The following RBBP6 variants were observed in gnomAD, a reference collection of about 807,000 sequenced individuals.
RBBP6 encodes the protein RB binding protein 6, ubiquitin ligase, also known as E3 ubiquitin-protein ligase RBBP6.
Under a neutral mutation model 167.7 loss-of-function variants are expected in RBBP6, and 25 were observed. The observed-to-expected ratio is 0.15, with a 90% CI of 0.11 to 0.21. RBBP6 has a LOEUF of 0.21. Ranked by LOEUF, RBBP6 falls within the 10% of genes least tolerant of loss-of-function variation. The pLI, the probability that RBBP6 is intolerant of heterozygous loss-of-function variation, is 1.00. For missense variants in RBBP6, 1,868 were observed against 2,134.2 expected, an observed-to-expected ratio of 0.88 and a Z score of 2.46; for synonymous variants, 789 against 735.8, an observed-to-expected ratio of 1.07 and a Z score of -1.17.
intron 2 of RBBP6, among the ~76,000 whole-genome samples, chr16:24,548,168 C>T (rs1898706543): frequency 6.6e-6 from 1 of 152,140 alleles, no homozygotes; most frequent in Admixed American, 6.5e-5. Flanking sequence ...ACTTCTTCCC[C>T]TTTCCTGTGT....
At chr16:24,546,615 G>A (rs1898659972) in intron 2 of RBBP6, among the ~76,000 whole-genome samples, 1 of 152,244 alleles carries the variant, frequency 6.6e-6, no homozygotes, top group East Asian at 1.9e-4. Flanking sequence ...TGGTGTTGTA[G>A]ACATCGGTCC....
Position 24,546,143 on chromosome 16 carries a change from TTC to T in RBBP6, c.167-18_167-17del. 1 of 1,559,472 alleles carries T rather than the reference TTC, an allele frequency of 6.4e-7. No individual in the cohort carries two copies. The highest frequency in any genetic ancestry group is 8.6e-7 in the Non-Finnish European group (1 of 1,161,508). ...CTCAAATCCCCAAATGGAAATTCAATTCTGTCTTTTTATTTACAGAATATACT... is the reference window on the plus strand; with the variant it reads ...CTCAAATCCCCAAATGGAAATTCAATTGTCTTTTTATTTACAGAATATACT... On this transcript the variant is annotated intron_variant, in intron 1 of 17. Coordinates refer to ENST00000319715, the MANE Select transcript of RBBP6 (RefSeq NM_006910.5).
chr16:24,567,804 G>C lies in RBBP6; in HGVS notation c.1965G>C (p.Lys655Asn). ...TTTATTTTACTAGGGAAAAGAAAAA[G>C]TCCAAGCTAGATGAGTTTACAAATG... ...QRRLKEEEKK[K>N]SKLDEFTNDF... Residue 655 changes from lysine (K) to asparagine (N), a missense_variant, in exon 16 of 18, where the codon AAG becomes AAC. Physicochemically the swap from Lys to Asn is moderately conservative, Grantham distance 94 (BLOSUM62 0). Around this residue, in one of 7 missense-constraint regions of RBBP6, gnomAD observed 145 missense variants for 224.3 expected, o/e 0.65. Transcript: ENST00000319715. The C allele has an allele frequency of 6.2e-7, 1 of 1,611,376 alleles. No homozygotes were observed. The highest frequency in any genetic ancestry group is 8.5e-7 in the Non-Finnish European group (1 of 1,178,588).
rs199819400 is a variant in RBBP6, at chr16:24,545,089, C to CT, written c.167-1067dup. 5.6e-3 allele frequency among the ~76,000 whole-genome samples: 848 copies of CT among 152,172 alleles called. 6 individuals carry two copies. Among genetic ancestry groups the CT allele is most frequent in the Non-Finnish European group, 9.0e-3 (613 of 67,992 alleles). On this transcript the variant is annotated intron_variant, in intron 1 of 17. Transcript: ENST00000319715. ...TGCTCCACATTGGTGCCACAGTAGT[C>CT]TTTTTTTGAGACAGAGTCTTGCTCT... is the stretch of plus-strand genomic sequence containing the variant.
chr16:24,560,255 C>T lies in RBBP6; in HGVS notation c.847+578C>T, dbSNP rs187060553. Among the ~76,000 whole-genome samples the T allele has an allele frequency of 3.6e-4, 55 of 151,994 alleles. 1 individual carries two copies. The highest frequency in any genetic ancestry group is 1.2e-3 in the African/African-American group (50 of 41,452). ...CCAAGTAGCTGGGACTGCAGGTGCC[C>T]GCCACCACACCCGGCTAATGTTTTG... On this transcript the variant is annotated intron_variant, in intron 8 of 17. Transcript: ENST00000319715.
chr16:24,563,788 A>G (rs1899129709), intron 13 of RBBP6, 124 bp downstream of exon 13: 1 of 766,836 alleles, frequency 1.3e-6, no homozygotes, highest in East Asian at 3.2e-5. Context: ...TCTTTATTGT[A>G]AACTTTCATG....
At chr16:24,547,130 A>G (rs941927053) in intron 2 of RBBP6, among the ~76,000 whole-genome samples, 1 of 152,138 alleles carries the variant, frequency 6.6e-6, no homozygotes. Context: ...GGAACAAATT[A>G]TTTTGAGTCA....
At chr16:24,563,164 A>C (rs537993684) in intron 10 of RBBP6, 35 bp from the exon 11 acceptor site, 72 of 1,515,704 alleles carry the variant, frequency 4.8e-5, no homozygotes, top group South Asian at 2.0e-4. Flanking sequence ...CATTTCTGAT[A>C]ATTTTTAATG....
Position 24,571,256 on chromosome 16 carries a change from C to G in RBBP6, c.4190C>G (p.Ser1397Cys), listed in dbSNP as rs1266269211. 2 of 1,612,112 alleles carry G rather than the reference C, an allele frequency of 1.2e-6. No homozygotes were observed. Among genetic ancestry groups the G allele is most frequent in the South Asian group, 1.1e-5 (1 of 90,562 alleles). The change falls in exon 18 of 18, where the codon TCT becomes TGT. Residue 1397 changes from serine (S) to cysteine (C), a missense_variant. Physicochemically the swap from Ser to Cys is moderately radical, Grantham distance 112. Coordinates refer to ENST00000319715, the MANE Select transcript of RBBP6 (RefSeq NM_006910.5). ...HEVKSSKNSA[S>C]SEKGKTKDRD... is the part of the protein sequence containing the mutation. ...GTTAAAAGTTCAAAAAACTCTGCAT[C>G]TAGTGAAAAAGGGAAAACCAAAGAT...
intron 1 of RBBP6, among the ~76,000 whole-genome samples, chr16:24,541,438 C>A (rs1596496725): frequency 1.3e-5 from 2 of 152,078 alleles, no homozygotes; most frequent in African/African-American, 4.8e-5. Flanking sequence ...ATTAGTAATA[C>A]GGCAATTAAG....
In RBBP6 at chr16:24,562,008, A is replaced by G; in HGVS notation, c.1136A>G (p.His379Arg). 3.1e-6 allele frequency: 5 copies of G among 1,613,128 alleles called. No homozygotes were observed. Among genetic ancestry groups the G allele is most frequent in the Non-Finnish European group, 4.2e-6 (5 of 1,179,524 alleles). ...ATTCCAGTGACATCTTCATCAACTC[A>G]CCCAGCTCCGTCTATATCTTCATTA... Reference protein sequence around the residue: ...LMIPVTSSSTHPAPSISSLTS... With the variant: ...LMIPVTSSSTRPAPSISSLTS... Residue 379 changes from histidine to arginine, a missense_variant, in exon 10 of 18, where the codon CAC becomes CGC. His to Arg is a conservative substitution (Grantham distance 29). Transcript: ENST00000319715.
At position 24,570,366 on chromosome 16, in the gene RBBP6, T is replaced by A; in HGVS notation, c.3676T>A (p.Ser1226Thr). 1 of 1,612,886 alleles carries A rather than the reference T, an allele frequency of 6.2e-7. No homozygotes were observed. Among genetic ancestry groups the A allele is most frequent in the Non-Finnish European group, 8.5e-7 (1 of 1,179,758 alleles). Residue 1226 changes from serine (S) to threonine (T), a missense_variant, in exon 17 of 18, where the codon TCA (serine) becomes ACA (threonine). This residue lies in a region of RBBP6 where 673 missense variants were observed against 691.5 expected (regional missense o/e 0.97). Transcript: ENST00000319715. Reference protein sequence around the residue: ...GKKIGSTENISNTKEPSEKLE... With the variant: ...GKKIGSTENITNTKEPSEKLE... The stretch of plus-strand genomic sequence containing the variant: ...GAAAATTGGAAGTACAGAAAATATA[T>A]CAAACACAAAAGAACCCTCTGAAAA...
intron 14 of RBBP6, among the ~76,000 whole-genome samples, chr16:24,566,613 C>T (rs1036056831): frequency 7.9e-5 from 12 of 152,112 alleles, no homozygotes; most frequent in African/African-American, 2.9e-4. Flanking sequence ...TGGTGGCACA[C>T]GTCTCTAGTC....
In RBBP6 at chr16:24,540,702, C is replaced by T. The variant is rs760507968; in HGVS notation, c.76C>T (p.Leu26Phe). 2 of 1,614,182 alleles carry T rather than the reference C, an allele frequency of 1.2e-6. No homozygotes were observed. Among genetic ancestry groups the T allele is most frequent in the East Asian group, 2.2e-5 (1 of 44,882 alleles). The change falls in exon 1 of 18, where the codon CTC (leucine) becomes TTC (phenylalanine). Residue 26 changes from leucine (L) to phenylalanine (F), a missense_variant. By Grantham distance (22) the Leu-to-Phe change is conservative. Around this residue, in one of 7 missense-constraint regions of RBBP6, gnomAD observed 184 missense variants for 327.7 expected, o/e 0.56. Transcript: ENST00000319715. ...TVTFDGLHIS[L>F]CDLKKQIMGR... ...CACCTTTGATGGGCTCCACATCTCC[C>T]TCTGCGACTTAAAGAAGCAGATTAT... is the stretch of plus-strand genomic sequence containing the variant.
chr16:24,555,459 A>G (rs1015758913), intron 4 of RBBP6, 156 bp from the exon 5 acceptor site: 1 of 617,908 alleles, frequency 1.6e-6, no homozygotes, highest in East Asian at 2.7e-5. Flanking sequence ...TACCTAAGGA[A>G]TTCCCAAGTG....
intron 1 of RBBP6, among the ~76,000 whole-genome samples, chr16:24,545,961 A>C (rs1466925957): frequency 1.3e-5 from 2 of 152,252 alleles, no homozygotes; most frequent in African/African-American, 4.8e-5. Flanking sequence ...GAACCTGCTG[A>C]TGATATTGGT....
intron 2 of RBBP6, among the ~76,000 whole-genome samples, chr16:24,548,035 T>G (rs1290126226): frequency 2.5e-5 from 2 of 80,044 alleles, no homozygotes; most frequent in East Asian, 3.5e-4. Context: ...AAAGCTCAGT[T>G]TTTTTTTTAT....
Position 24,569,044 on chromosome 16 carries a change from A to T in RBBP6, c.2354A>T (p.Asn785Ile). 2 of 1,614,200 alleles carry T rather than the reference A, an allele frequency of 1.2e-6. No homozygotes were observed. Among genetic ancestry groups the T allele is most frequent in the South Asian group, 2.2e-5 (2 of 91,090 alleles). ...AGGGGACAGTCTCCTAATAAACGTA[A>T]TGTACCTCAAGGGGAAACAGAACGT... ...AFRGQSPNKR[N>I]VPQGETEREY... The change falls in exon 17 of 18, where the codon AAT becomes ATT. Residue 785 changes from asparagine to isoleucine, a missense_variant. Around this residue, in one of 7 missense-constraint regions of RBBP6, gnomAD observed 673 missense variants for 691.5 expected, o/e 0.97. Transcript: ENST00000319715.
chr16:24,569,735 G>A lies in RBBP6; in HGVS notation c.3045G>A (p.Lys1015=), dbSNP rs1437334970. The A allele has an allele frequency of 1.9e-6, 3 of 1,614,058 alleles. No homozygotes were observed. Among genetic ancestry groups the A allele is most frequent in the Non-Finnish European group, 2.5e-6 (3 of 1,180,006 alleles). The change falls in exon 17 of 18, where the codon AAG becomes AAA. Residue 1015 remains lysine, a synonymous_variant. Transcript: ENST00000319715. The part of the protein sequence containing the change: ...DKRERDKPKA[K]GDKTKRKNDG... ...GAGAAAGGGATAAACCAAAAGCAAA[G>A]GGTGATAAAACCAAACGGAAGAATG...
Sources: allele counts gnomAD v4.1 joint callset (sites outside exome capture counted in the v4.1 genomes callset), GRCh38; gene constraint gnomAD v4.1.1; regional missense constraint gnomAD v4.1.1; transcripts MANE v1.5; gene names NCBI Gene and HGNC (gene_info 2026-07-23, HGNC 2026-07-21).